Variants in PCBP3 observed in about 807,000 individuals in gnomAD.
The protein encoded by PCBP3 is poly(rC) binding protein 3, also known as poly(rC)-binding protein 3.
Under a neutral mutation model 52.7 loss-of-function variants are expected in PCBP3, and 25 were observed. The observed-to-expected ratio is 0.47, with a 90% confidence interval of 0.35 to 0.66. The LOEUF is 0.66. Ranked by LOEUF, PCBP3 falls within the 30% of genes least tolerant of loss-of-function variation. PCBP3 has a pLI of 0.01. For missense variants in PCBP3, 391 were observed against 490.3 expected (o/e 0.80, Z 1.91); for synonymous variants, 162 against 183.0 (o/e 0.89, Z 0.93).
intron 4 of PCBP3, among the ~76,000 whole-genome samples, chr21:45,810,290 A>G (rs1021731746): frequency 6.6e-6 from 1 of 150,686 alleles, no homozygotes; most frequent in Non-Finnish European, 1.5e-5. Flanking sequence ...CCCAGGCTGG[A>G]GTGCAGTGGC....
intron 5 of PCBP3, among the ~76,000 whole-genome samples, chr21:45,878,925 T>A (rs1233116405): frequency 6.6e-6 from 1 of 152,070 alleles, no homozygotes; most frequent in Non-Finnish European, 1.5e-5. Flanking sequence ...GGAGGAAGGG[T>A]GAGCCCTCTC....
intron 4 of PCBP3, among the ~76,000 whole-genome samples, chr21:45,814,925 GTGGTGAGTAGTGAGTGA>G (rs2092829382): frequency 7.4e-6 from 1 of 134,396 alleles, no homozygotes; most frequent in Non-Finnish European, 1.6e-5. Context: ...TGATGAGTGA[GTGGTGAGTAGTGAGTGA>G]TGAGTGGTGA....
intron 4 of PCBP3, among the ~76,000 whole-genome samples, chr21:45,819,655 G>A (rs1337137997): frequency 6.6e-6 from 1 of 151,756 alleles, no homozygotes; most frequent in Non-Finnish European, 1.5e-5. Flanking sequence ...TCTTCCCCAG[G>A]TGCTATCTTG....
chr21:45,752,294 G>C (rs34288474), intron 3 of PCBP3, among the ~76,000 whole-genome samples: 7,760 of 150,488 alleles, frequency 0.052, 271 homozygotes, highest in Non-Finnish European at 0.081. Context: ...TTTTTCTATG[G>C]GATGTTTATT....
intron 11 of PCBP3, among the ~76,000 whole-genome samples, chr21:45,911,709 G>C (rs2096398199): frequency 6.6e-6 from 1 of 152,192 alleles, no homozygotes; most frequent in African/African-American, 2.4e-5. Flanking sequence ...CAGATGGAAA[G>C]TTCTAGCAGC....
chr21:45,851,291 G>C (rs2093989728), intron 5 of PCBP3, among the ~76,000 whole-genome samples: 1 of 152,224 alleles, frequency 6.6e-6, no homozygotes. Context: ...GAGGTGGGTA[G>C]ATCAAGAGGT....
intron 2 of PCBP3, among the ~76,000 whole-genome samples, chr21:45,723,763 G>T (rs796863562): frequency 6.6e-6 from 1 of 152,232 alleles, no homozygotes; most frequent in Admixed American, 6.5e-5. Flanking sequence ...GTCGAGCTCA[G>T]GGTCTGTGGG....
intron 5 of PCBP3, among the ~76,000 whole-genome samples, chr21:45,877,636 T>C (rs1200432534): frequency 6.6e-6 from 1 of 152,116 alleles, no homozygotes; most frequent in East Asian, 1.9e-4. Flanking sequence ...AAACCCCATC[T>C]CTACTAAAAA....
At chr21:45,815,179 G>A (rs1467521001) in intron 4 of PCBP3, among the ~76,000 whole-genome samples, 3 of 53,968 alleles carry the variant, frequency 5.6e-5, no homozygotes, top group Admixed American at 2.0e-4. Flanking sequence ...GTGGTGAGTG[G>A]TGAGTGAGTG....
intron 4 of PCBP3, among the ~76,000 whole-genome samples, chr21:45,773,675 G>A (rs141367547): frequency 4.7e-4 from 71 of 152,218 alleles, no homozygotes; most frequent in African/African-American, 1.6e-3. Flanking sequence ...ATAATGTAAT[G>A]CCTCCAGCTT....
At chr21:45,899,501 T>A in intron 6 of PCBP3, 98 bp from the exon 7 acceptor site, 1 of 867,202 alleles carries the variant, frequency 1.2e-6, no homozygotes, top group Non-Finnish European at 1.9e-6. Flanking sequence ...TCTGCACTCA[T>A]ACCGGGAAGG....
intron 12 of PCBP3, chr21:45,916,832 C>T (rs1177892162): frequency 6.6e-6 from 1 of 152,336 alleles, no homozygotes; most frequent in Non-Finnish European, 1.5e-5. Context: ...TGTTGTCTGG[C>T]CATGAGTTTC....
Position 45,917,900 on chromosome 21 carries a change from G to A in PCBP3, c.717+271G>A, listed in dbSNP as rs2073768239. On this transcript the variant is annotated intron_variant, in intron 13 of 17. Coordinates refer to ENST00000681687, the MANE Select transcript of PCBP3 (RefSeq NM_001384156.1). This position sits in a 1 kb window ranked among gnomAD's most constrained non-coding sequence, Gnocchi z 5.3. ...TTCCTCCCTCCCACGGGGCCTGGGA[G>A]GGAACTGAGACGGGCTCTGTCCCCG... The A allele has an allele frequency of 2.0e-6, 1 of 496,164 alleles. No individual in the cohort carries two copies. The allele number at this position is 496,164 out of a possible 1,614,324, so 30.7% of individuals were successfully genotyped here.
rs1014159246 is a variant in PCBP3, at chr21:45,741,874, A to C, written c.-162+6445A>C. 1.3e-5 allele frequency among the ~76,000 whole-genome samples: 2 copies of C among 152,118 alleles called. No individual in the cohort carries two copies. The highest frequency in any genetic ancestry group is 2.9e-5 in the Non-Finnish European group (2 of 68,014). The stretch of plus-strand genomic sequence containing the variant: ...TCTCCTCAGGTTGCTTGAGCTCTGC[A>C]GCGTTAGGCCTGGTGAGCGCCTCTT... On this transcript the variant is annotated intron_variant, in intron 3 of 17. Coordinates refer to ENST00000681687, the MANE Select transcript of PCBP3 (RefSeq NM_001384156.1). The surrounding 1 kb of genome is among the most constrained non-coding windows in gnomAD (Gnocchi z 4.5).
chr21:45,933,742 C>T (rs574767633), intron 15 of PCBP3, among the ~76,000 whole-genome samples: 248 of 152,198 alleles, frequency 1.6e-3, no homozygotes, highest in Non-Finnish European at 2.9e-3. Context: ...CTGTGCTGGA[C>T]GGTCCCACAG....
At chr21:45,866,870 G>A (rs1016861626) in intron 5 of PCBP3, among the ~76,000 whole-genome samples, 65 of 152,310 alleles carry the variant, frequency 4.3e-4, no homozygotes, top group Middle Eastern at 3.4e-3. Flanking sequence ...GTACTAGGGC[G>A]GAGGTCGGGG....
At chr21:45,789,671 G>C (rs1411127249) in intron 4 of PCBP3, among the ~76,000 whole-genome samples, 1 of 152,296 alleles carries the variant, frequency 6.6e-6, no homozygotes, top group East Asian at 1.9e-4. Flanking sequence ...AGTTCCAGGA[G>C]GTGAGGAGCA....
intron 11 of PCBP3, among the ~76,000 whole-genome samples, chr21:45,913,420 A>C (rs917092008): frequency 3.4e-4 from 51 of 152,194 alleles, no homozygotes; most frequent in African/African-American, 1.0e-3. Flanking sequence ...ACAGGGCTCA[A>C]CTTTCTCCAG....
intron 4 of PCBP3, among the ~76,000 whole-genome samples, chr21:45,785,115 G>A (rs1169108578): frequency 2.0e-5 from 3 of 148,936 alleles, no homozygotes; most frequent in South Asian, 2.1e-4. Context: ...CGGCCGCCCC[G>A]TCTGAAAAGT....
Sources: gnomAD v4.1 joint callset for allele counts (sites outside exome capture counted in the v4.1 genomes callset) on GRCh38, gnomAD v4.1.1 for gene constraint, Gnocchi (gnomAD v3.1) non-coding constraint, MANE v1.5 for transcripts, NCBI Gene and HGNC (gene_info 2026-07-23, HGNC 2026-07-21) for gene names.